The following SNRPD3 variants were observed in gnomAD, a reference collection of about 807,000 sequenced individuals.
The protein encoded by SNRPD3 is small nuclear ribonucleoprotein D3 polypeptide, also known as small nuclear ribonucleoprotein Sm D3.
For synonymous variants in SNRPD3, 66 were observed against 58.4 expected, an observed-to-expected ratio of 1.13 and a Z score of -0.59; for missense variants, 73 against 167.5, an observed-to-expected ratio of 0.44 and a Z score of 3.11.
At chr22:24,561,271 G>C (rs2045141038) in intron 2 of SNRPD3, among the ~76,000 whole-genome samples, 1 of 151,354 alleles carries the variant, frequency 6.6e-6, no homozygotes, top group African/African-American at 2.4e-5. Context: ...ACGGAGTCTT[G>C]ATATGTTTTT....
chr22:24,555,681 C>G (rs929775218), upstream of SNRPD3: 1 of 1,550,682 alleles, frequency 6.4e-7, no homozygotes, highest in South Asian at 1.2e-5. Context: ...CAACCTCCTG[C>G]TGTCCCCGGT....
intron 2 of SNRPD3, among the ~76,000 whole-genome samples, chr22:24,563,606 T>G (rs1292768734): frequency 1.3e-5 from 2 of 152,150 alleles, no homozygotes; most frequent in Non-Finnish European, 1.5e-5. Context: ...AAATTATAAA[T>G]GATACAAGCA....
intron 2 of SNRPD3, among the ~76,000 whole-genome samples, chr22:24,564,088 T>C (rs2045173376): frequency 6.6e-6 from 1 of 152,210 alleles, no homozygotes. Context: ...ATAATACTTT[T>C]GTATTTCCTA....
intron 2 of SNRPD3, among the ~76,000 whole-genome samples, chr22:24,560,347 C>T (rs2045122185): frequency 6.6e-6 from 1 of 150,862 alleles, no homozygotes; most frequent in Non-Finnish European, 1.5e-5. Flanking sequence ...TGGTCTCGAA[C>T]TCCTGACCTT....
intron 2 of SNRPD3, among the ~76,000 whole-genome samples, chr22:24,565,938 C>T (rs1056581099): frequency 3.3e-5 from 5 of 152,144 alleles, no homozygotes; most frequent in East Asian, 1.9e-4. Flanking sequence ...TGAGCCACCG[C>T]GCCCAGCCCC....
chr22:24,562,305 G>C (rs1186423444), intron 2 of SNRPD3, among the ~76,000 whole-genome samples: 8 of 152,218 alleles, frequency 5.3e-5, no homozygotes, highest in Non-Finnish European at 8.8e-5. Context: ...ACTTTGGGAG[G>C]CTGAGGCGGG....
rs774828669 is a variant in SNRPD3 at position 24,557,813 on chromosome 22, G to C, written c.126+13G>C. The C allele has an allele frequency of 1.2e-6, 2 of 1,600,486 alleles. No homozygotes were observed. Among genetic ancestry groups the C allele is most frequent in the South Asian group, 1.1e-5 (1 of 89,064 alleles). ...CATGAACTGCCAGGTATTCTGCTTT[G>C]CATGTGAGGCTGTGTGGGAGGAATG... On this transcript the variant is annotated intron_variant, in intron 2 of 3. Transcript: ENST00000215829.
intron 2 of SNRPD3, among the ~76,000 whole-genome samples, chr22:24,566,851 T>G (rs1052842943): frequency 1.3e-5 from 2 of 152,238 alleles, no homozygotes; most frequent in Non-Finnish European, 2.9e-5. Context: ...GCTCCCCATT[T>G]GTCCATCCTG....
intron 2 of SNRPD3, among the ~76,000 whole-genome samples, chr22:24,562,825 A>G (rs977064784): frequency 6.6e-6 from 1 of 152,196 alleles, no homozygotes; most frequent in African/African-American, 2.4e-5. Context: ...AGAAATGTAA[A>G]CCTGAATCTC....
chr22:24,561,699 T>A (rs1480731365), intron 2 of SNRPD3, among the ~76,000 whole-genome samples: 1 of 152,142 alleles, frequency 6.6e-6, no homozygotes, highest in Non-Finnish European at 1.5e-5. Flanking sequence ...TCAATAACAT[T>A]TTCTGTTATA....
intron 2 of SNRPD3, chr22:24,558,024 A>C (rs1040856969): frequency 3.4e-5 from 13 of 380,440 alleles, no homozygotes; most frequent in Non-Finnish European, 5.6e-5. Context: ...GGAATATTTT[A>C]CTTTGTCCTT....
chr22:24,566,407 A>G (rs1467880580), intron 2 of SNRPD3, among the ~76,000 whole-genome samples: 3 of 152,082 alleles, frequency 2.0e-5, no homozygotes, highest in Admixed American at 6.5e-5. Context: ...GAGTAGCTGG[A>G]CTACAGGCAC....
Position 24,557,743 on chromosome 22 carries a change from C to T in SNRPD3, c.69C>T (p.Asn23=). The change falls in exon 2 of 4, where the codon AAC becomes AAT. Residue 23 remains asparagine (N), a synonymous_variant. Transcript: ENST00000215829. Reference sequence around the variant, plus strand: ...GCCACATTGTGACATGTGAGACGAACACCGGTGAGGTATATCGGGGGAAGC... The same window carrying T: ...GCCACATTGTGACATGTGAGACGAATACCGGTGAGGTATATCGGGGGAAGC... ...AEGHIVTCET[N]TGEVYRGKLI... is the part of the protein sequence containing the mutation. 6.2e-7 allele frequency: 1 copy of T among 1,612,400 alleles called. No individual in the cohort carries two copies. Among genetic ancestry groups the T allele is most frequent in the Non-Finnish European group, 8.5e-7 (1 of 1,179,164 alleles).
At chr22:24,563,590 G>T (rs1433662470) in intron 2 of SNRPD3, among the ~76,000 whole-genome samples, 1 of 152,094 alleles carries the variant, frequency 6.6e-6, no homozygotes, top group Non-Finnish European at 1.5e-5. Context: ...TTATAAAAAT[G>T]GACCCAAATT....
rs1359429736 is a variant in SNRPD3, at chr22:24,574,582, C to T, written c.*2605C>T. Among the ~76,000 whole-genome samples the T allele has an allele frequency of 6.6e-6, 1 of 152,150 alleles. No individual in the cohort carries two copies. The highest frequency in any genetic ancestry group is 1.5e-5 in the Non-Finnish European group (1 of 68,032). On this transcript the variant is annotated 3_prime_UTR_variant, in exon 4 of 4. Transcript: ENST00000215829. ...TGTTTTAAGACGGTCTCACTCTTCC[C>T]CAGGCGGGAGTGCAATGGCACAATC...
chr22:24,555,995 C>T (rs2045054684), upstream of SNRPD3: 6 of 684,036 alleles, frequency 8.8e-6, no homozygotes, highest in Non-Finnish European at 1.5e-5. Flanking sequence ...GTGTTAGGCC[C>T]GCCATTCGCT....
intron 2 of SNRPD3, among the ~76,000 whole-genome samples, chr22:24,565,623 T>C (rs2045190128): frequency 6.6e-6 from 1 of 152,022 alleles, no homozygotes; most frequent in Non-Finnish European, 1.5e-5. Flanking sequence ...GAGTCATGAG[T>C]GTGGCACAGT....
chr22:24,556,221 T>C (rs2045060234), intron 1 of SNRPD3, 150 bp downstream of exon 1: 1 of 346,150 alleles, frequency 2.9e-6, no homozygotes, highest in South Asian at 3.9e-5. Context: ...CCTCACTAGC[T>C]CCTGGAAGTA....
At position 24,572,088 on chromosome 22, in the gene SNRPD3, A is replaced by G. The variant is rs1336417203; in HGVS notation, c.*111A>G. ...TATCTTTTGCCATCTTTCTCTTTAG[A>G]TCAGGGGAAATGTTTAAGCTAAATA... On this transcript the variant is annotated 3_prime_UTR_variant, in exon 4 of 4. Transcript: ENST00000215829. 1 of 1,551,734 alleles carries G rather than the reference A, an allele frequency of 6.4e-7. No individual in the cohort carries two copies. Among genetic ancestry groups the G allele is most frequent in the Non-Finnish European group, 8.7e-7 (1 of 1,143,802 alleles).
Sources: gnomAD v4.1 joint callset for allele counts (sites outside exome capture counted in the v4.1 genomes callset) on GRCh38, gnomAD v4.1.1 for gene constraint, MANE v1.5 for transcripts, NCBI Gene and HGNC (gene_info 2026-07-23, HGNC 2026-07-21) for gene names.